Variants in VAT1L observed in about 807,000 individuals in gnomAD.
VAT1L encodes putative NADPH-dependent quinone oxidoreductase VAT1L.
A neutral mutation model predicts 44.1 loss-of-function variants in VAT1L; 34 were observed. That is an observed-to-expected ratio of 0.77 (90% CI 0.59 to 1.03). The LOEUF (loss-of-function observed/expected upper bound fraction) is 1.03, where lower values mean the gene tolerates loss of function less well. Ranked by LOEUF, VAT1L falls within the 50% of genes least tolerant of loss-of-function variation. VAT1L has a pLI of 0.00. For synonymous variants in VAT1L, 253 were observed against 202.2 expected, an observed-to-expected ratio of 1.25 and a Z score of -2.13; for missense variants, 615 against 538.8, an observed-to-expected ratio of 1.14 and a Z score of -1.40.
chr16:77,803,061 G>T (rs1161634523), intron 1 of VAT1L, among the ~76,000 whole-genome samples: 2 of 152,134 alleles, frequency 1.3e-5, no homozygotes, highest in East Asian at 1.9e-4. Context: ...ATTATTGTTT[G>T]CCAGCCTTTA....
chr16:77,833,608 G>A (rs553842067), intron 3 of VAT1L, among the ~76,000 whole-genome samples: 1 of 152,210 alleles, frequency 6.6e-6, no homozygotes, highest in South Asian at 2.1e-4. Flanking sequence ...AAAATTAGCT[G>A]GGCATGGTGG....
At chr16:77,891,838 C>T (rs531293168) in intron 7 of VAT1L, among the ~76,000 whole-genome samples, 9 of 152,234 alleles carry the variant, frequency 5.9e-5, no homozygotes, top group South Asian at 2.1e-4. Flanking sequence ...TTTGGGAGGG[C>T]GAGGTGGGTG....
chr16:77,914,107 C>G (rs1243869404), intron 7 of VAT1L, among the ~76,000 whole-genome samples: 2 of 152,166 alleles, frequency 1.3e-5, no homozygotes, highest in Admixed American at 1.3e-4. Flanking sequence ...AAAATAGATG[C>G]AGCGTATGCT....
Position 77,979,097 on chromosome 16 carries a change from G to C in VAT1L, c.*1402G>C, listed in dbSNP as rs1022302584. ...CCTTAGGGTGGACCCAACCCTTTCCGCAAGTGGTAGGAACGAATGCATCTT... is the reference window on the plus strand; with the variant it reads ...CCTTAGGGTGGACCCAACCCTTTCCCCAAGTGGTAGGAACGAATGCATCTT... On this transcript the variant is annotated 3_prime_UTR_variant, in exon 9 of 9. Coordinates refer to ENST00000302536, the MANE Select transcript of VAT1L (RefSeq NM_020927.3). 4.6e-5 allele frequency: 7 copies of C among 152,666 alleles called. No homozygotes were observed. In the East Asian group the frequency reaches 9.7e-4, roughly 21 times the overall value. The allele number at this position is 152,666 out of a possible 1,614,324, so 9.5% of individuals were successfully genotyped here.
At chr16:77,845,713 G>A (rs530683609) in intron 3 of VAT1L, among the ~76,000 whole-genome samples, 18 of 151,618 alleles carry the variant, frequency 1.2e-4, no homozygotes, top group African/African-American at 2.4e-4. Context: ...CTGTCCAACC[G>A]TCCACCCTGA....
At chr16:77,919,130 G>A (rs906665184) in intron 7 of VAT1L, among the ~76,000 whole-genome samples, 2 of 151,942 alleles carry the variant, frequency 1.3e-5, no homozygotes, top group Non-Finnish European at 2.9e-5. Context: ...GAGGGTGTGT[G>A]TGTGTGCATG....
At chr16:77,803,701 G>C (rs768255231) in intron 1 of VAT1L, among the ~76,000 whole-genome samples, 1 of 152,122 alleles carries the variant, frequency 6.6e-6, no homozygotes. Context: ...TTACAGGCGT[G>C]AACCACCATG....
At chr16:77,853,141 A>G (rs959692641) in intron 3 of VAT1L, among the ~76,000 whole-genome samples, 2 of 152,228 alleles carry the variant, frequency 1.3e-5, no homozygotes, top group African/African-American at 4.8e-5. Flanking sequence ...TTGCTGGAGC[A>G]GAGCTGTGAC....
intron 7 of VAT1L, among the ~76,000 whole-genome samples, chr16:77,958,177 G>C (rs1327291366): frequency 6.6e-6 from 1 of 152,126 alleles, no homozygotes; most frequent in African/African-American, 2.4e-5. Context: ...TAAGTGCTGG[G>C]ATTACAGGCA....
chr16:77,881,682 T>A (rs372617017), intron 6 of VAT1L, among the ~76,000 whole-genome samples: 93 of 152,326 alleles, frequency 6.1e-4, no homozygotes, highest in African/African-American at 2.1e-3. Flanking sequence ...CTCTTTGCAT[T>A]TGGGCTTTAA....
chr16:77,853,136 G>T (rs1365794684), intron 3 of VAT1L, among the ~76,000 whole-genome samples: 1 of 152,186 alleles, frequency 6.6e-6, no homozygotes, highest in East Asian at 1.9e-4. Flanking sequence ...GTCACTTGCT[G>T]GAGCAGAGCT....
chr16:77,883,107 C>G (rs1431376771), intron 6 of VAT1L, among the ~76,000 whole-genome samples: 8 of 152,172 alleles, frequency 5.3e-5, no homozygotes, highest in African/African-American at 1.9e-4. Flanking sequence ...AAAAAATTTT[C>G]ACTTTAGTCA....
chr16:77,840,762 T>C (rs1347694496), intron 3 of VAT1L, among the ~76,000 whole-genome samples: 1 of 152,166 alleles, frequency 6.6e-6, no homozygotes, highest in Non-Finnish European at 1.5e-5. Context: ...TATTTGATGA[T>C]TGTGAGACCT....
intron 3 of VAT1L, among the ~76,000 whole-genome samples, chr16:77,833,626 C>T (rs2016606384): frequency 6.6e-6 from 1 of 152,180 alleles, no homozygotes; most frequent in Middle Eastern, 3.4e-3. Flanking sequence ...TGGCGTGTGC[C>T]TGTAATCCCA....
chr16:77,933,646 G>C (rs1267258949), intron 7 of VAT1L, among the ~76,000 whole-genome samples: 1 of 152,238 alleles, frequency 6.6e-6, no homozygotes, highest in Admixed American at 6.5e-5. Flanking sequence ...CTGAAGAGGT[G>C]ATCTGAGGAG....
chr16:77,877,903 T>C (rs1336378537), intron 5 of VAT1L, among the ~76,000 whole-genome samples: 1 of 152,184 alleles, frequency 6.6e-6, no homozygotes, highest in Non-Finnish European at 1.5e-5. Flanking sequence ...GAAGTGGACG[T>C]GTGGTTTATT....
At chr16:77,977,492 T>A (rs886682931) in intron 8 of VAT1L, 105 bp from the exon 9 acceptor site, 62 of 1,139,162 alleles carry the variant, frequency 5.4e-5, no homozygotes, top group Non-Finnish European at 3.8e-6. Context: ...CAAGCAACCC[T>A]AGTTCCTAGC....
chr16:77,876,235 C>G (rs1042717985), intron 4 of VAT1L, 135 bp from the exon 5 acceptor site: 1 of 709,428 alleles, frequency 1.4e-6, no homozygotes, highest in Non-Finnish European at 2.4e-6. Flanking sequence ...GGCTTCTGCC[C>G]TATTTATTGC....
intron 1 of VAT1L, among the ~76,000 whole-genome samples, chr16:77,797,000 T>C (rs908201708): frequency 6.6e-6 from 1 of 152,066 alleles, no homozygotes; most frequent in Admixed American, 6.5e-5. Flanking sequence ...AAGATGAGGG[T>C]TGAAAATTGC....
Sources: gnomAD v4.1 joint callset for allele counts (sites outside exome capture counted in the v4.1 genomes callset) on GRCh38, gnomAD v4.1.1 for gene constraint, MANE v1.5 for transcripts, NCBI Gene and HGNC (gene_info 2026-07-23, HGNC 2026-07-21) for gene names.